Variants in NUBPL observed in about 807,000 individuals in gnomAD.
NUBPL encodes the protein iron-sulfur cluster transfer protein NUBPL.
A neutral mutation model predicts 45.7 loss-of-function variants in NUBPL; 31 were observed. The ratio of observed to expected loss-of-function variants is 0.68; its 90% CI spans 0.51 to 0.92. The LOEUF is 0.92. NUBPL is among the 40% of genes least tolerant of loss of function. The pLI is 0.00. For missense variants in NUBPL, 401 were observed against 398.7 expected (o/e 1.01, Z -0.05); for synonymous variants, 144 against 140.9 (o/e 1.02, Z -0.15).
intron 3 of NUBPL, among the ~76,000 whole-genome samples, chr14:31,598,390 A>G (rs2139553631): frequency 6.6e-6 from 1 of 152,294 alleles, no homozygotes; most frequent in African/African-American, 2.4e-5. Flanking sequence ...TGAAGAGAGT[A>G]GTAGGAAAGT....
chr14:31,667,189 T>C (rs1179745594), intron 4 of NUBPL, among the ~76,000 whole-genome samples: 1 of 152,158 alleles, frequency 6.6e-6, no homozygotes, highest in Non-Finnish European at 1.5e-5. Flanking sequence ...GGTACACCAA[T>C]CAATCGTAGG....
At chr14:31,648,217 A>G (rs2035907336) in intron 4 of NUBPL, among the ~76,000 whole-genome samples, 1 of 152,238 alleles carries the variant, frequency 6.6e-6, no homozygotes, top group African/African-American at 2.4e-5. Context: ...TGGTGTACAG[A>G]ATATCATCAA....
chr14:31,846,703 T>A, intron 9 of NUBPL, 112 bp downstream of exon 9: 2 of 1,515,182 alleles, frequency 1.3e-6, no homozygotes, highest in Non-Finnish European at 1.8e-6. Context: ...ACACCTGTAA[T>A]CCCAGCACTT....
intron 6 of NUBPL, among the ~76,000 whole-genome samples, chr14:31,681,451 G>A (rs2036830729): frequency 6.8e-6 from 1 of 148,058 alleles, no homozygotes. Context: ...GATTGTTCTT[G>A]CCAGATGTTT....
chr14:31,708,579 A>G (rs1431058648), intron 6 of NUBPL, among the ~76,000 whole-genome samples: 1 of 152,218 alleles, frequency 6.6e-6, no homozygotes, highest in Non-Finnish European at 1.5e-5. Context: ...AGTTGGGAGA[A>G]ATACCTGGTT....
At chr14:31,610,677 A>T (rs928170024) in intron 4 of NUBPL, among the ~76,000 whole-genome samples, 4 of 151,862 alleles carry the variant, frequency 2.6e-5, no homozygotes, top group Non-Finnish European at 4.4e-5. Context: ...TGATGCATAA[A>T]TCCTCAATAA....
chr14:31,771,656 A>T (rs753906688), intron 6 of NUBPL, among the ~76,000 whole-genome samples: 1 of 152,186 alleles, frequency 6.6e-6, no homozygotes, highest in Non-Finnish European at 1.5e-5. Flanking sequence ...TCTAATCCTC[A>T]GTATTTTTGT....
rs114347740 is a variant in NUBPL at position 31,771,310 on chromosome 14, C to G, written c.514-16470C>G. On this transcript the variant is annotated intron_variant, in intron 6 of 10. Transcript: ENST00000281081. The stretch of plus-strand genomic sequence containing the variant: ...CATTAAAAACATATTCAGAAATAAA[C>G]GTTCTTATAATGAACCAGAATAGGA... 6.0e-3 allele frequency among the ~76,000 whole-genome samples: 918 copies of G among 151,920 alleles called. 10 individuals carry two copies. Among genetic ancestry groups the G allele is most frequent in the African/African-American group, 0.021 (859 of 41,426 alleles).
intron 3 of NUBPL, among the ~76,000 whole-genome samples, chr14:31,569,292 G>T (rs1449173881): frequency 2.0e-5 from 3 of 152,054 alleles, no homozygotes. Flanking sequence ...CGCCTCCCGG[G>T]TTCAAGTGAT....
At chr14:31,750,279 A>G (rs1377194876) in intron 6 of NUBPL, among the ~76,000 whole-genome samples, 3 of 148,926 alleles carry the variant, frequency 2.0e-5, no homozygotes, top group Non-Finnish European at 4.4e-5. Flanking sequence ...GGTTCACGCC[A>G]TTCTCCTGCC....
chr14:31,697,662 A>C (rs779887667), intron 6 of NUBPL, among the ~76,000 whole-genome samples: 1 of 152,262 alleles, frequency 6.6e-6, no homozygotes, highest in Non-Finnish European at 1.5e-5. Context: ...ATCTCTGACC[A>C]GCAGAGTTAA....
intron 6 of NUBPL, among the ~76,000 whole-genome samples, chr14:31,786,587 G>A (rs2039289026): frequency 6.6e-6 from 1 of 152,158 alleles, no homozygotes; most frequent in South Asian, 2.1e-4. Flanking sequence ...GTGAGGGCAG[G>A]AATCATGATA....
chr14:31,826,830 G>A, intron 8 of NUBPL, 116 bp downstream of exon 8: 1 of 913,310 alleles, frequency 1.1e-6, no homozygotes, highest in Non-Finnish European at 1.8e-6. Context: ...CTTTATGAAA[G>A]TCCTAGTTTA....
intron 6 of NUBPL, among the ~76,000 whole-genome samples, chr14:31,695,686 T>C (rs139918432): frequency 6.6e-6 from 1 of 152,326 alleles, no homozygotes; most frequent in African/African-American, 2.4e-5. Flanking sequence ...AATGGAATCA[T>C]GCAGCACAAA....
chr14:31,764,940 A>G (rs2038883735), intron 6 of NUBPL, among the ~76,000 whole-genome samples: 1 of 152,188 alleles, frequency 6.6e-6, no homozygotes, highest in Non-Finnish European at 1.5e-5. Context: ...TCTGCTTTGC[A>G]ATTCTCATAC....
chr14:31,587,991 G>A lies in NUBPL; in HGVS notation c.292-11298G>A, dbSNP rs76090549. Among the ~76,000 whole-genome samples, 559 of 152,244 alleles carry A rather than the reference G, an allele frequency of 3.7e-3. 12 individuals carry two copies. Among genetic ancestry groups the A allele is most frequent in the East Asian group, 0.027 (139 of 5,180 alleles). On this transcript the variant is annotated intron_variant, in intron 3 of 10. Transcript: ENST00000281081. ...GAATGCTTATTTTTCCTGCTTCCGT[G>A]CATAAAGAGGTCTTGGTGTACAGAA...
At chr14:31,641,529 T>C (rs565583210) in intron 4 of NUBPL, among the ~76,000 whole-genome samples, 1 of 152,352 alleles carries the variant, frequency 6.6e-6, no homozygotes, top group South Asian at 2.1e-4. Context: ...TTATGGCTGA[T>C]TAATATTCCA....
intron 3 of NUBPL, among the ~76,000 whole-genome samples, chr14:31,579,800 G>C (rs887928001): frequency 2.0e-5 from 3 of 152,248 alleles, no homozygotes; most frequent in Admixed American, 2.0e-4. Context: ...GTGGGGCACA[G>C]AGGAGGAAGA....
chr14:31,801,998 G>T (rs2039600027), intron 7 of NUBPL, among the ~76,000 whole-genome samples: 1 of 152,184 alleles, frequency 6.6e-6, no homozygotes, highest in Non-Finnish European at 1.5e-5. Flanking sequence ...CATTGCTGTG[G>T]TTTGACTGTG....
Sources: allele counts gnomAD v4.1 joint callset (sites outside exome capture counted in the v4.1 genomes callset), GRCh38; gene constraint gnomAD v4.1.1; transcripts MANE v1.5; gene names NCBI Gene and HGNC (gene_info 2026-07-23, HGNC 2026-07-21).